The following AGBL1 variants were observed in gnomAD, a reference collection of about 807,000 sequenced individuals.
AGBL1 encodes cytosolic carboxypeptidase 4.
Under a neutral mutation model 118.9 loss-of-function variants are expected in AGBL1, and 130 were observed. That is an observed-to-expected ratio of 1.09 (90% CI 0.95 to 1.26). The LOEUF (loss-of-function observed/expected upper bound fraction) is 1.26. Ranked by LOEUF, AGBL1 falls within the 50% of genes most tolerant of loss-of-function variation. The pLI is 0.00. For synonymous variants in AGBL1, 555 were observed against 478.9 expected (o/e 1.16, Z -2.08); for missense variants, 1,584 against 1,298.1 (o/e 1.22, Z -3.38).
chr15:86,675,260 C>G (rs745574909), intron 22 of AGBL1, among the ~76,000 whole-genome samples: 7 of 152,088 alleles, frequency 4.6e-5, no homozygotes, highest in African/African-American at 7.2e-5. Context: ...GTGCACTTCA[C>G]GTCCAAAGGC....
rs145925882 is a variant in AGBL1, at chr15:86,930,374, C to T, written c.3222-57613C>T. 4.1e-4 allele frequency among the ~76,000 whole-genome samples: 63 copies of T among 152,100 alleles called. No individual in the cohort carries two copies. The East Asian group carries it at 0.011, about 27-fold the overall frequency. ...CTACTATATAAATATAAGGGGTCAG[C>T]GTGAGGCAGGGAGGGACAGGGGCGG... On this transcript the variant is annotated intron_variant, in intron 23 of 24. Transcript: ENST00000441037.
chr15:86,770,733 G>A (rs369255054), intron 22 of AGBL1, among the ~76,000 whole-genome samples: 1 of 151,982 alleles, frequency 6.6e-6, no homozygotes, highest in Non-Finnish European at 1.5e-5. Flanking sequence ...GGGGCATGGA[G>A]CATTGATTTC....
rs902264562 is a variant in AGBL1, at chr15:86,907,850, G to T, written c.*556G>T. Reference sequence around the variant, plus strand: ...AAACTGTGCATCCAAGTAATTGCAGGTTTCATCTGTGATCTTCTCAAGCAG... The same window carrying T: ...AAACTGTGCATCCAAGTAATTGCAGTTTTCATCTGTGATCTTCTCAAGCAG... On this transcript the variant is annotated 3_prime_UTR_variant, in exon 23 of 23. Coordinates refer to ENST00000614907, the MANE Select transcript of AGBL1 (RefSeq NM_001386094.1). The T allele has an allele frequency of 6.6e-6, 1 of 152,132 alleles. No homozygotes were observed. Among genetic ancestry groups the T allele is most frequent in the Non-Finnish European group, 1.5e-5 (1 of 68,040 alleles). The allele number at this position is 152,132 out of a possible 1,614,324, so 9.4% of individuals were successfully genotyped here.
chr15:86,440,484 G>GAATAATAATAAT (rs60498816), intron 18 of AGBL1, among the ~76,000 whole-genome samples: 21,933 of 144,310 alleles, frequency 0.15, 2,229 homozygotes, highest in African/African-American at 0.28. Context: ...ATGGGATGGA[G>GAATAATAATAAT]AATAATAATA....
chr15:86,686,900 G>A (rs1732391109), intron 22 of AGBL1, among the ~76,000 whole-genome samples: 1 of 152,100 alleles, frequency 6.6e-6, no homozygotes, highest in African/African-American at 2.4e-5. Context: ...ACTTGCCTAA[G>A]CCCACACAGC....
intron 18 of AGBL1, among the ~76,000 whole-genome samples, chr15:86,424,435 C>A (rs202109972): frequency 9.2e-5 from 14 of 152,114 alleles, no homozygotes; most frequent in African/African-American, 3.1e-4. Context: ...CATAAAAACC[C>A]TAGAAGAAAA....
intron 22 of AGBL1, among the ~76,000 whole-genome samples, chr15:86,878,743 G>A (rs370915818): frequency 3.9e-5 from 6 of 152,174 alleles, no homozygotes; most frequent in African/African-American, 1.2e-4. Context: ...GTAGGTGCTC[G>A]TTCAATGTTA....
At chr15:86,315,559 C>CA (rs887804873) in intron 17 of AGBL1, among the ~76,000 whole-genome samples, 135 of 150,154 alleles carry the variant, frequency 9.0e-4, no homozygotes, top group African/African-American at 2.4e-3. Flanking sequence ...ACTAATAATA[C>CA]AAAAAAAAAC....
chr15:86,124,329 CA>C (rs71144030), intron 1 of AGBL1, among the ~76,000 whole-genome samples: 30,945 of 92,928 alleles, frequency 0.33, 2,223 homozygotes, highest in South Asian at 0.39. Flanking sequence ...GACTCTGTCT[CA>C]AAAAAAAAAA....
chr15:86,118,648 T>C (rs1897912142), intron 1 of AGBL1, among the ~76,000 whole-genome samples: 1 of 152,054 alleles, frequency 6.6e-6, no homozygotes, highest in African/African-American at 2.4e-5. Flanking sequence ...AATGCTTTCC[T>C]GGAGGCTCAG....
At chr15:86,641,018 A>G (rs2256254) in intron 21 of AGBL1, among the ~76,000 whole-genome samples, 104,041 of 151,546 alleles carry the variant, frequency 0.69, 37,780 homozygotes, top group Middle Eastern at 0.82. Flanking sequence ...TCTTCTGTGA[A>G]TGGCTTAGTT....
chr15:86,440,129 T>C (rs2082045512), intron 18 of AGBL1, among the ~76,000 whole-genome samples: 1 of 152,148 alleles, frequency 6.6e-6, no homozygotes, highest in Non-Finnish European at 1.5e-5. Flanking sequence ...TTTTATGAAA[T>C]GGAAACACTG....
intron 22 of AGBL1, among the ~76,000 whole-genome samples, chr15:86,752,372 T>C (rs2077867210): frequency 6.6e-6 from 1 of 152,154 alleles, no homozygotes; most frequent in Non-Finnish European, 1.5e-5. Flanking sequence ...AACAGATGTG[T>C]TTCTGAAATG....
At chr15:86,917,991 T>C (rs1034942221), downstream of AGBL1, among the ~76,000 whole-genome samples, 3 of 152,162 alleles carry the variant, frequency 2.0e-5, no homozygotes, top group African/African-American at 7.2e-5. The surrounding 1 kb of genome is among the most constrained non-coding windows in gnomAD (Gnocchi z 4.8). Context: ...TGGGTTCTCA[T>C]TATATTTTGC....
chr15:86,259,651 G>C (rs1438623447), intron 9 of AGBL1, among the ~76,000 whole-genome samples: 1 of 152,206 alleles, frequency 6.6e-6, no homozygotes, highest in Non-Finnish European at 1.5e-5. Flanking sequence ...GGGTTTTGTT[G>C]ATAAATAGAA....
At chr15:86,895,985 C>T (rs950785254) in intron 22 of AGBL1, among the ~76,000 whole-genome samples, 4 of 152,104 alleles carry the variant, frequency 2.6e-5, no homozygotes, top group Admixed American at 2.6e-4. Context: ...TACCCATTTA[C>T]CCTAAACACG....
At chr15:86,381,021 CAG>C (rs1344580483) in intron 17 of AGBL1, among the ~76,000 whole-genome samples, 1 of 152,120 alleles carries the variant, frequency 6.6e-6, no homozygotes. Context: ...CACATATACT[CAG>C]GGGCCTTTTA....
At chr15:86,354,698 T>A (rs1225583240) in intron 17 of AGBL1, among the ~76,000 whole-genome samples, 1 of 152,240 alleles carries the variant, frequency 6.6e-6, no homozygotes, top group Non-Finnish European at 1.5e-5. Context: ...CTCAAAGATG[T>A]CCTTGCCCTA....
intron 5 of AGBL1, among the ~76,000 whole-genome samples, chr15:86,176,563 G>C (rs2077484459): frequency 6.6e-6 from 1 of 151,870 alleles, no homozygotes; most frequent in African/African-American, 2.4e-5. Flanking sequence ...AGAGTGCTGG[G>C]GACCTGGCTG....
Sources: gnomAD v4.1 joint callset for allele counts (sites outside exome capture counted in the v4.1 genomes callset) on GRCh38, gnomAD v4.1.1 for gene constraint, Gnocchi (gnomAD v3.1) non-coding constraint, MANE v1.5 for transcripts, NCBI Gene and HGNC (gene_info 2026-07-23, HGNC 2026-07-21) for gene names.